Variants in ZNF667 observed in about 807,000 individuals in gnomAD.
ZNF667 encodes the protein myocardial ischemic preconditioning upregulated 1 ortholog.
ZNF667 carries 13 observed loss-of-function variants against 31.8 expected under a neutral mutation model. That is an observed-to-expected ratio of 0.41 (90% CI 0.27 to 0.65). The LOEUF is 0.65. Ranked by LOEUF, ZNF667 falls within the 30% of genes least tolerant of loss-of-function variation. The pLI is 0.32. For synonymous variants in ZNF667, 228 were observed against 247.1 expected (o/e 0.92, Z 0.73); for missense variants, 642 against 725.6 (o/e 0.88, Z 1.32).
chr19:56,459,566 A>T (rs1012759776), intron 5 of ZNF667, among the ~76,000 whole-genome samples: 7 of 152,180 alleles, frequency 4.6e-5, no homozygotes, highest in Non-Finnish European at 2.9e-5. Context: ...TTAAAGCGCT[A>T]AAAACCCCAA....
intron 6 of ZNF667, 93 bp downstream of exon 6, chr19:56,458,062 G>C: frequency 8.9e-7 from 1 of 1,123,256 alleles, no homozygotes; most frequent in Non-Finnish European, 1.3e-6. Flanking sequence ...GTGAGAAGTA[G>C]ATTTCTGGTG....
At chr19:56,473,431 T>C (rs748832596) in intron 2 of ZNF667, among the ~76,000 whole-genome samples, 1 of 152,212 alleles carries the variant, frequency 6.6e-6, no homozygotes, top group African/African-American at 2.4e-5. Context: ...ATCAGGAGAT[T>C]GGAAACAACC....
intron 3 of ZNF667, among the ~76,000 whole-genome samples, chr19:56,463,534 T>C (rs2043097155): frequency 6.6e-6 from 1 of 152,138 alleles, no homozygotes; most frequent in Admixed American, 6.5e-5. Context: ...TTCTTCCCTT[T>C]TTTTTTCTTT....
chr19:56,460,106 C>CA (rs1398158845), intron 5 of ZNF667, among the ~76,000 whole-genome samples: 2 of 152,004 alleles, frequency 1.3e-5, no homozygotes, highest in Admixed American at 1.3e-4. Context: ...TACATCCACA[C>CA]AAAAAATTTG....
chr19:56,447,441 G>A (rs2042729459), intron 6 of ZNF667, among the ~76,000 whole-genome samples: 1 of 152,244 alleles, frequency 6.6e-6, no homozygotes, highest in South Asian at 2.1e-4. Context: ...TGGATATCCA[G>A]TCTATCCACA....
chr19:56,476,376 T>C (rs1366767453), intron 1 of ZNF667, among the ~76,000 whole-genome samples: 4 of 152,130 alleles, frequency 2.6e-5, no homozygotes, highest in Admixed American at 2.0e-4. Context: ...TCAGATGCCC[T>C]GGTATGTGGA....
At chr19:56,471,337 T>A (rs973865901) in intron 3 of ZNF667, among the ~76,000 whole-genome samples, 4 of 152,200 alleles carry the variant, frequency 2.6e-5, no homozygotes, top group African/African-American at 9.7e-5. Context: ...TATTTCTTTA[T>A]AGCAGTGTGA....
intron 6 of ZNF667, among the ~76,000 whole-genome samples, chr19:56,446,370 C>G (rs2042709584): frequency 6.6e-6 from 1 of 152,210 alleles, no homozygotes; most frequent in Non-Finnish European, 1.5e-5. Context: ...CCAAAGTCTT[C>G]TTTCCTTTTT....
At chr19:56,477,391 G>C (rs1231939076), upstream of ZNF667, 1 of 151,892 alleles carries the variant, frequency 6.6e-6, no homozygotes, top group Non-Finnish European at 1.5e-5. Context: ...CTTCACACAC[G>C]CACCACGCAT....
Position 56,458,224 on chromosome 19 carries a change from C to T in ZNF667, c.184G>A (p.Val62Met), listed in dbSNP as rs768562509. Residue 62 changes from valine to methionine, a missense_variant, in exon 6 of 7, where the codon GTG becomes ATG. By Grantham distance (21) the Val-to-Met change is conservative. Coordinates refer to ENST00000504904, the MANE Select transcript of ZNF667 (RefSeq NM_001321356.2). ...SLGLSFRRPN[V>M]ITLLEKGKAP... ...TTCCCTTTCTCCAATAAGGTGATCA[C>T]ATTTGGTCTCCGAAAGGAAAGACCT... 1.9e-6 allele frequency: 3 copies of T among 1,614,082 alleles called. No individual in the cohort carries two copies. The Admixed American group carries it at 5.0e-5, about 27-fold the overall frequency.
At chr19:56,451,867 TCAAAAAAAAAAAAAAA>T (rs1454197395) in intron 6 of ZNF667, among the ~76,000 whole-genome samples, 1 of 29,870 alleles carries the variant, frequency 3.3e-5, no homozygotes, top group African/African-American at 2.1e-4. Context: ...AGACCCTGTC[TCAAAAAAAAAAAAAAA>T]AAAAAAAAAA....
intron 3 of ZNF667, among the ~76,000 whole-genome samples, chr19:56,466,184 A>C (rs1020015734): frequency 6.6e-6 from 1 of 152,082 alleles, no homozygotes; most frequent in African/African-American, 2.4e-5. Context: ...TGCTCTGTGC[A>C]CCCTTCCCTT....
In ZNF667 at chr19:56,441,233, A is replaced by G. The variant is rs760071128; in HGVS notation, c.1762T>C (p.Cys588Arg). 20 of 1,614,150 alleles carry G rather than the reference A, an allele frequency of 1.2e-5. No individual in the cohort carries two copies. Among genetic ancestry groups the G allele is most frequent in the Non-Finnish European group, 1.7e-5 (20 of 1,179,996 alleles). The stretch of plus-strand genomic sequence containing the variant: ...GAACTCCGACTATATGCCTTCCCAC[A>G]TTTACTACATTCATAGGGTTTCTCT... The part of the protein sequence containing the change: ...SSEKPYECSK[C>R]GKAYSRSSSL... Residue 588 changes from cysteine to arginine, a missense_variant, in exon 7 of 7, where the codon TGT becomes CGT. Physicochemically the swap from Cys to Arg is radical, Grantham distance 180. Coordinates refer to ENST00000504904, the MANE Select transcript of ZNF667 (RefSeq NM_001321356.2). This position sits in a 1 kb window ranked among gnomAD's most constrained non-coding sequence, Gnocchi z 4.2.
intron 3 of ZNF667, among the ~76,000 whole-genome samples, chr19:56,465,420 G>A (rs1225921566): frequency 6.6e-6 from 1 of 152,198 alleles, no homozygotes; most frequent in African/African-American, 2.4e-5. Context: ...AGAATGCTTG[G>A]ATTATTACAT....
intron 3 of ZNF667, among the ~76,000 whole-genome samples, chr19:56,465,581 T>A (rs2043141785): frequency 6.6e-6 from 1 of 152,270 alleles, no homozygotes; most frequent in Non-Finnish European, 1.5e-5. Flanking sequence ...GACGCCGTTT[T>A]CCAGATGGGA....
intron 6 of ZNF667, among the ~76,000 whole-genome samples, chr19:56,449,913 G>C (rs547285988): frequency 1.9e-4 from 28 of 150,634 alleles, no homozygotes; most frequent in Admixed American, 4.0e-4. Flanking sequence ...CTTGAAGATG[G>C]GCTCTTTGAA....
intron 1 of ZNF667, chr19:56,476,952 G>A (rs892124239): frequency 6.5e-6 from 1 of 152,840 alleles, no homozygotes; most frequent in Non-Finnish European, 1.5e-5. Flanking sequence ...CTTCGCGTGG[G>A]TCACGCAGCG....
chr19:56,451,868 C>CAAAAAAAAAAAAAAAAA (rs71184363), intron 6 of ZNF667, among the ~76,000 whole-genome samples: 4 of 80,972 alleles, frequency 4.9e-5, no homozygotes, highest in African/African-American at 1.6e-4. Context: ...GACCCTGTCT[C>CAAAAAAAAAAAAAAAAA]AAAAAAAAAA....
At chr19:56,458,100 C>G in intron 6 of ZNF667, 55 bp downstream of exon 6, 1 of 1,474,954 alleles carries the variant, frequency 6.8e-7, no homozygotes, top group Non-Finnish European at 9.5e-7. Context: ...ATATGGCATT[C>G]TGTTATAGCA....
Sources: allele counts gnomAD v4.1 joint callset (sites outside exome capture counted in the v4.1 genomes callset), GRCh38; gene constraint gnomAD v4.1.1; non-coding constraint Gnocchi (gnomAD v3.1); transcripts MANE v1.5; gene names NCBI Gene and HGNC (gene_info 2026-07-23, HGNC 2026-07-21).